ADAMTS2: variants seen among roughly 807,000 people sequenced by gnomAD.
ADAMTS2 encodes the protein ADAM metallopeptidase with thrombospondin type 1 motif 2, also known as A disintegrin and metalloproteinase with thrombospondin motifs 2.
Under a neutral mutation model 123.0 loss-of-function variants are expected in ADAMTS2, and 50 were observed. That is an observed-to-expected ratio of 0.41 (90% CI 0.32 to 0.51). ADAMTS2 has a LOEUF of 0.51. ADAMTS2 is among the 20% of genes least tolerant of loss of function. The pLI is 0.35. For missense variants in ADAMTS2, 1,494 were observed against 1,705.2 expected (o/e 0.88, Z 2.18); for synonymous variants, 678 against 695.4 (o/e 0.98, Z 0.39).
At chr5:179,287,602 AC>A (rs1756057494) in intron 2 of ADAMTS2, among the ~76,000 whole-genome samples, 2 of 137,256 alleles carry the variant, frequency 1.5e-5, no homozygotes, top group Non-Finnish European at 3.4e-5. Context: ...CTGTTGGAAG[AC>A]GGGGTATGCA....
intron 3 of ADAMTS2, among the ~76,000 whole-genome samples, chr5:179,221,214 G>A (rs1765117981): frequency 6.6e-6 from 1 of 152,150 alleles, no homozygotes; most frequent in Non-Finnish European, 1.5e-5. Flanking sequence ...GGTAGCCGGT[G>A]GAGTGGGCAC....
rs144732073 is a variant in ADAMTS2 at position 179,272,959 on chromosome 5, G to T, written c.640C>A (p.Arg214=). ...CCGAGAGGAGGGGACGTGGGTGGCCGGCGATACACCACATGCACACGGCCT... is the reference window on the plus strand; with the variant it reads ...CCGAGAGGAGGGGACGTGGGTGGCCTGCGATACACCACATGCACACGGCCT... ...EQGRVHVVYR[R]PPTSPPLGGP... The change falls in exon 3 of 22, where the codon CGG becomes AGG. Residue 214 remains arginine, a synonymous_variant. Transcript: ENST00000251582. The surrounding 1 kb of genome is among the most constrained non-coding windows in gnomAD (Gnocchi z 5.8). 2 of 1,612,252 alleles carry T rather than the reference G, an allele frequency of 1.2e-6. No individual in the cohort carries two copies. The highest frequency in any genetic ancestry group is 8.5e-7 in the Non-Finnish European group (1 of 1,179,976).
chr5:179,326,908 C>T (rs1443673657), intron 2 of ADAMTS2, among the ~76,000 whole-genome samples: 2 of 152,130 alleles, frequency 1.3e-5, no homozygotes, highest in Middle Eastern at 3.4e-3. Flanking sequence ...AAGAAATGAC[C>T]GTTCCAAAGC....
intron 5 of ADAMTS2, among the ~76,000 whole-genome samples, chr5:179,171,206 T>C (rs1763808046): frequency 3.9e-5 from 6 of 152,196 alleles, no homozygotes; most frequent in Admixed American, 3.9e-4. Flanking sequence ...GCCAGGTCTT[T>C]GGCATTGAGG....
Position 179,132,792 on chromosome 5 carries a change from A to G in ADAMTS2, c.2194T>C (p.Ser732Pro), listed in dbSNP as rs2113206192. Residue 732 changes from serine to proline, a missense_variant, in exon 14 of 22, where the codon TCA (serine) becomes CCA (proline). Physicochemically the swap from Ser to Pro is moderately conservative, Grantham distance 74 (BLOSUM62 -1). This residue lies in a region of ADAMTS2 where 953 missense variants were observed against 1,124.7 expected (regional missense o/e 0.85). Transcript: ENST00000251582. The surrounding 1 kb of genome is among the most constrained non-coding windows in gnomAD (Gnocchi z 6.1). ...CKVVKGTFTR[S>P]PKKHGYIKMF... is the part of the protein sequence containing the mutation. ...ACCCACTCACCATGCTTCTTGGGTG[A>G]CCGTGTGAACGTGCCCTTGACCACT... 3 of 1,614,068 alleles carry G rather than the reference A, an allele frequency of 1.9e-6. No individual in the cohort carries two copies. Among genetic ancestry groups the G allele is most frequent in the African/African-American group, 2.7e-5 (2 of 75,020 alleles).
chr5:179,247,830 TGA>T (rs1765839223), intron 3 of ADAMTS2, among the ~76,000 whole-genome samples: 2 of 152,064 alleles, frequency 1.3e-5, no homozygotes, highest in Non-Finnish European at 2.9e-5. Context: ...AAACAAAAAC[TGA>T]GAGAGTTTGT....
At chr5:179,339,870 T>C (rs539293712) in intron 2 of ADAMTS2, among the ~76,000 whole-genome samples, 2 of 152,228 alleles carry the variant, frequency 1.3e-5, no homozygotes, top group African/African-American at 4.8e-5. Flanking sequence ...GTGTGTGGCC[T>C]CGAAGGCAGC....
intron 9 of ADAMTS2, among the ~76,000 whole-genome samples, chr5:179,153,257 C>T (rs1763398186): frequency 6.6e-6 from 1 of 152,100 alleles, no homozygotes; most frequent in Non-Finnish European, 1.5e-5. Context: ...ACCCTGGTCA[C>T]AGTCCTGTCC....
intron 6 of ADAMTS2, among the ~76,000 whole-genome samples, chr5:179,157,055 C>T (rs566004165): frequency 3.3e-5 from 5 of 150,720 alleles, no homozygotes; most frequent in African/African-American, 7.3e-5. Flanking sequence ...CCTCTGCCTC[C>T]GGGGTTCTAG....
intron 2 of ADAMTS2, among the ~76,000 whole-genome samples, chr5:179,335,637 T>C (rs1481131285): frequency 3.3e-5 from 5 of 152,168 alleles, no homozygotes; most frequent in Admixed American, 1.3e-4. Context: ...CTATAACCCA[T>C]AAAATAGACA....
chr5:179,126,467 G>A (rs1218337107), intron 17 of ADAMTS2, among the ~76,000 whole-genome samples: 1 of 152,238 alleles, frequency 6.6e-6, no homozygotes, highest in East Asian at 1.9e-4. Context: ...TGCAAGCCAG[G>A]AGCCGGGCAA....
chr5:179,129,932 C>T lies in ADAMTS2; in HGVS notation c.2457G>A (p.Leu819=). 1 of 1,613,914 alleles carries T rather than the reference C, an allele frequency of 6.2e-7. No individual in the cohort carries two copies. ...TGGGCCCAGCCCTGCTTGGACTCACCAGAACGGTGATGGTGCCGTGGAGGG... is the reference window on the plus strand; with the variant it reads ...TGGGCCCAGCCCTGCTTGGACTCACTAGAACGGTGATGGTGCCGTGGAGGG... ...MGPLHGTITV[L]VIPVGDTRVS... is the part of the protein sequence containing the mutation. The change falls in exon 16 of 22, where the codon CTG becomes CTA. Residue 819 remains leucine (L), a splice_region_variant and synonymous_variant. Coordinates refer to ENST00000251582, the MANE Select transcript of ADAMTS2 (RefSeq NM_014244.5). This position sits in a 1 kb window ranked among gnomAD's most constrained non-coding sequence, Gnocchi z 4.1.
chr5:179,339,248 C>T (rs1045937469), intron 2 of ADAMTS2, among the ~76,000 whole-genome samples: 4 of 152,256 alleles, frequency 2.6e-5, no homozygotes, highest in African/African-American at 9.6e-5. Flanking sequence ...AATCCCTCCC[C>T]CAACTCTCAC....
intron 12 of ADAMTS2, among the ~76,000 whole-genome samples, chr5:179,137,123 G>A (rs947769826): frequency 1.3e-5 from 2 of 152,178 alleles, no homozygotes; most frequent in Non-Finnish European, 1.5e-5. Context: ...TGTGGCCTCC[G>A]CCAGAGGGGG....
intron 2 of ADAMTS2, among the ~76,000 whole-genome samples, chr5:179,337,016 A>C (rs1314172953): frequency 6.6e-6 from 1 of 152,232 alleles, no homozygotes; most frequent in Non-Finnish European, 1.5e-5. Flanking sequence ...GTCGTCGTGC[A>C]GTGTAATTGA....
Position 179,132,220 on chromosome 5 carries a change from T to C in ADAMTS2, c.2290+10A>G. On this transcript the variant is annotated intron_variant, in intron 15 of 21. Transcript: ENST00000251582. The surrounding 1 kb of genome is among the most constrained non-coding windows in gnomAD (Gnocchi z 6.1). ...CTGAGGACGTCAAGTTGTCCGGCTC[T>C]GAGACTCACCCAGATGGTGGCTGGT... The C allele has an allele frequency of 6.2e-7, 1 of 1,612,506 alleles. No individual in the cohort carries two copies. Among genetic ancestry groups the C allele is most frequent in the Non-Finnish European group, 8.5e-7 (1 of 1,178,780 alleles).
At chr5:179,127,764 A>G (rs1483605650) in intron 17 of ADAMTS2, among the ~76,000 whole-genome samples, 195 bp downstream of exon 17, 2 of 151,686 alleles carry the variant, frequency 1.3e-5, no homozygotes, top group Non-Finnish European at 2.9e-5. Context: ...GCCACATTTG[A>G]CCCAATGCCC....
In ADAMTS2 at chr5:179,284,176, A is replaced by AC. The variant is rs1554095085; in HGVS notation, c.535-11113_535-11112insG. Reference sequence around the variant, plus strand: ...AAACCCCGTCTCTACTAAAAACACAAAAATTAGCCGGGCTTGGTGGTACGC... The same window carrying AC: ...AAACCCCGTCTCTACTAAAAACACAACAAATTAGCCGGGCTTGGTGGTACGC... On this transcript the variant is annotated intron_variant, in intron 2 of 21. Coordinates refer to ENST00000251582, the MANE Select transcript of ADAMTS2 (RefSeq NM_014244.5). Among the ~76,000 whole-genome samples the AC allele has an allele frequency of 1.5e-4, 22 of 150,448 alleles. 1 individual carries two copies. The highest frequency in any genetic ancestry group is 2.8e-4 in the Non-Finnish European group (19 of 67,674).
chr5:179,311,845 C>T (rs1376166698), intron 2 of ADAMTS2, among the ~76,000 whole-genome samples: 3 of 152,272 alleles, frequency 2.0e-5, no homozygotes, highest in Non-Finnish European at 4.4e-5. Context: ...CAAGAGCCCA[C>T]TCTAGCGGTT....
Sources: gnomAD v4.1 joint callset for allele counts (sites outside exome capture counted in the v4.1 genomes callset) on GRCh38, gnomAD v4.1.1 for gene constraint, gnomAD v4.1.1 regional missense constraint, Gnocchi (gnomAD v3.1) non-coding constraint, MANE v1.5 for transcripts, NCBI Gene and HGNC (gene_info 2026-07-23, HGNC 2026-07-21) for gene names.